Variants in C4BPA observed in about 807,000 individuals in gnomAD.
C4BPA encodes the protein complement component 4 binding protein alpha, also known as C4b-binding protein alpha chain.
C4BPA carries 31 observed loss-of-function variants against 63.7 expected under a neutral mutation model. That is an observed-to-expected ratio of 0.49 (90% confidence interval 0.37 to 0.66). The LOEUF (loss-of-function observed/expected upper bound fraction) is 0.66, where lower values mean the gene tolerates loss of function less well. Among genes scored for constraint, C4BPA ranks in the 30% least tolerant of loss-of-function variants. The probability of loss-of-function intolerance (pLI) is 0.00; values close to 1 mark genes in which losing one functional copy is unlikely to be tolerated. For synonymous variants in C4BPA, 259 were observed against 254.7 expected, an observed-to-expected ratio of 1.02 and a Z score of -0.16; for missense variants, 572 against 723.3, an observed-to-expected ratio of 0.79 and a Z score of 2.40.
intron 1 of C4BPA, among the ~76,000 whole-genome samples, chr1:207,111,049 A>T (rs1684658193): frequency 6.6e-6 from 1 of 152,216 alleles, no homozygotes; most frequent in Admixed American, 6.5e-5. Context: ...TTCATAGTTC[A>T]TAACATATCT....
chr1:207,134,379 A>G, intron 8 of C4BPA, 25 bp from the exon 9 acceptor site: 1 of 1,580,102 alleles, frequency 6.3e-7, no homozygotes, highest in Non-Finnish European at 8.7e-7. Context: ...TTTACTAACC[A>G]TGCACCTCAC....
chr1:207,136,923 G>A (rs944742499), intron 9 of C4BPA, among the ~76,000 whole-genome samples: 5 of 152,272 alleles, frequency 3.3e-5, no homozygotes, highest in African/African-American at 1.2e-4. Flanking sequence ...ACTTCCCAAA[G>A]TAGTTTTTAT....
intron 10 of C4BPA, among the ~76,000 whole-genome samples, chr1:207,143,277 C>T (rs916722244): frequency 6.7e-6 from 1 of 148,962 alleles, no homozygotes. Flanking sequence ...TAGGTGGGAG[C>T]TGAAAAATGA....
intron 10 of C4BPA, among the ~76,000 whole-genome samples, chr1:207,142,815 A>G (rs1415548066): frequency 1.3e-5 from 2 of 152,138 alleles, no homozygotes; most frequent in African/African-American, 4.8e-5. Flanking sequence ...ACCTTCTTTT[A>G]GAAATATCCT....
chr1:207,106,567 G>C (rs1220964951), intron 1 of C4BPA, among the ~76,000 whole-genome samples: 3 of 142,564 alleles, frequency 2.1e-5, no homozygotes, highest in Non-Finnish European at 4.6e-5. Context: ...TCAGCCTCCC[G>C]AGTAGCTGGG....
chr1:207,123,150 C>G (rs776103041), intron 4 of C4BPA, among the ~76,000 whole-genome samples: 16 of 152,154 alleles, frequency 1.1e-4, no homozygotes, highest in Admixed American at 2.6e-4. Flanking sequence ...ATATTTTGCA[C>G]TTAGTCTCTG....
At position 207,133,840 on chromosome 1, in the gene C4BPA, T is replaced by C. The variant is rs188660839; in HGVS notation, c.1085-564T>C. Among the ~76,000 whole-genome samples, 186 of 152,322 alleles carry C rather than the reference T, an allele frequency of 1.2e-3. 1 individual carries two copies. The highest frequency in any genetic ancestry group is 4.3e-3 in the African/African-American group (180 of 41,576). On this transcript the variant is annotated intron_variant, in intron 8 of 11. Transcript: ENST00000367070. The stretch of plus-strand genomic sequence containing the variant: ...AAGCAGTAATTTAAATTTTTTCGTA[T>C]GCTTTAGCTCTTAGGTGGATATAAA...
At position 207,124,374 on chromosome 1, in the gene C4BPA, A is replaced by T. The variant is rs764620715; in HGVS notation, c.706+8A>T. On this transcript the variant is annotated splice_region_variant and intron_variant, in intron 6 of 11. Transcript: ENST00000367070. ...GCCCTCCTACCTGTGAAAGTAAGTC[A>T]TAATGATGAATTCTGCATCAAAATG... 7 of 1,585,614 alleles carry T rather than the reference A, an allele frequency of 4.4e-6. No homozygotes were observed. Among genetic ancestry groups the T allele is most frequent in the Admixed American group, 1.7e-5 (1 of 59,274 alleles).
At chr1:207,108,876 C>T (rs983196719) in intron 1 of C4BPA, among the ~76,000 whole-genome samples, 1 of 152,070 alleles carries the variant, frequency 6.6e-6, no homozygotes, top group African/African-American at 2.4e-5. Context: ...GCGTGCACCA[C>T]CACACCCAGC....
chr1:207,106,440 A>AGTTTTTTTTT (rs1415648479), intron 1 of C4BPA, among the ~76,000 whole-genome samples: 109 of 114,932 alleles, frequency 9.5e-4, no homozygotes, highest in Middle Eastern at 9.5e-3. Flanking sequence ...CCTCCGTGTA[A>AGTTTTTTTTT]GTTTTTTTTT....
intron 6 of C4BPA, among the ~76,000 whole-genome samples, chr1:207,125,547 T>C (rs552847564): frequency 6.6e-6 from 1 of 152,186 alleles, no homozygotes; most frequent in South Asian, 2.1e-4. Flanking sequence ...AGTGCCCTTA[T>C]AAAAGAGGTT....
rs770341708 is a variant in C4BPA, at chr1:207,123,950, C to T, written c.457C>T (p.Arg153Cys). 2.0e-5 allele frequency: 33 copies of T among 1,610,564 alleles called. No individual in the cohort carries two copies. The highest frequency in any genetic ancestry group is 2.6e-5 in the Non-Finnish European group (31 of 1,177,670). The change falls in exon 5 of 12, where the codon CGT becomes TGT. Residue 153 changes from arginine to cysteine, a missense_variant. Physicochemically the swap from Arg to Cys is radical, Grantham distance 180 (BLOSUM62 -3). Transcript: ENST00000367070. ...TTTCTTAATTGGCTCAACCACTAGT[C>T]GTTGTGAAGTCCAAGATAGAGGAGT... ...GFFLIGSTTS[R>C]CEVQDRGVGW...
intron 1 of C4BPA, among the ~76,000 whole-genome samples, chr1:207,111,796 A>C (rs1684673012): frequency 6.6e-6 from 1 of 152,232 alleles, no homozygotes; most frequent in Admixed American, 6.5e-5. Flanking sequence ...TGTATGAATT[A>C]TGGATGCACG....
chr1:207,111,626 T>G (rs1385524907), intron 1 of C4BPA, among the ~76,000 whole-genome samples: 1 of 152,204 alleles, frequency 6.6e-6, no homozygotes, highest in African/African-American at 2.4e-5. Flanking sequence ...TCCCACATTA[T>G]GTAAGACTGG....
intron 9 of C4BPA, among the ~76,000 whole-genome samples, chr1:207,138,713 A>G (rs1265472140): frequency 6.6e-6 from 1 of 152,118 alleles, no homozygotes; most frequent in Non-Finnish European, 1.5e-5. Flanking sequence ...CCCCTAGCCT[A>G]TGGGTTGGAG....
At chr1:207,129,198 A>C (rs1406826922) in intron 7 of C4BPA, among the ~76,000 whole-genome samples, 1 of 152,088 alleles carries the variant, frequency 6.6e-6, no homozygotes, top group Non-Finnish European at 1.5e-5. Context: ...TTGAGTTGGA[A>C]AAAGAATCAG....
rs1418547041 is a variant in C4BPA, at chr1:207,126,809, A to G, written c.803A>G (p.Gln268Arg). 2 of 1,613,038 alleles carry G rather than the reference A, an allele frequency of 1.2e-6. No homozygotes were observed. The highest frequency in any genetic ancestry group is 1.7e-6 in the Non-Finnish European group (2 of 1,179,260). Residue 268 changes from glutamine to arginine, a missense_variant, in exon 7 of 12, where the codon CAA becomes CGA. By Grantham distance (43) the Gln-to-Arg change is conservative (BLOSUM62 1). Coordinates refer to ENST00000367070, the MANE Select transcript of C4BPA (RefSeq NM_000715.4). ...NYKDTIVFKC[Q>R]KGFVLRGSSV... Reference sequence around the variant, plus strand: ...AAAGACACTATTGTGTTTAAGTGCCAAAAAGGTTTTGTTCTCAGAGGCAGC... The same window carrying G: ...AAAGACACTATTGTGTTTAAGTGCCGAAAAGGTTTTGTTCTCAGAGGCAGC...
intron 11 of C4BPA, among the ~76,000 whole-genome samples, chr1:207,144,210 C>T (rs1461773952): frequency 6.6e-6 from 1 of 152,098 alleles, no homozygotes; most frequent in Non-Finnish European, 1.5e-5. Context: ...AAAAACTGAG[C>T]CCTTACAGAG....
intron 9 of C4BPA, 93 bp from the exon 10 acceptor site, chr1:207,141,012 AT>A: frequency 1.0e-6 from 1 of 954,484 alleles, no homozygotes; most frequent in Non-Finnish European, 1.5e-6. Flanking sequence ...GAAGGACAGA[AT>A]GAAGCCTCCT....
Sources: gnomAD v4.1 joint callset for allele counts (sites outside exome capture counted in the v4.1 genomes callset) on GRCh38, gnomAD v4.1.1 for gene constraint, MANE v1.5 for transcripts, NCBI Gene and HGNC (gene_info 2026-07-23, HGNC 2026-07-21) for gene names.